MECOM: variants seen among roughly 807,000 people sequenced by gnomAD.
The protein encoded by MECOM is histone-lysine N-methyltransferase MECOM.
In MECOM, 13 loss-of-function variants were observed where a neutral mutation model predicts 116.3. The observed-to-expected ratio is 0.11, with a 90% confidence interval of 0.07 to 0.18. The LOEUF (loss-of-function observed/expected upper bound fraction) is 0.18, where lower values mean the gene tolerates loss of function less well. MECOM is among the 10% of genes least tolerant of loss of function. The pLI is 1.00. For missense variants in MECOM, 1,299 were observed against 1,509.0 expected (o/e 0.86, Z 2.31); for synonymous variants, 528 against 535.2 (o/e 0.99, Z 0.19).
intron 1 of MECOM, among the ~76,000 whole-genome samples, chr3:169,530,879 T>C (rs1758542326): frequency 1.3e-5 from 2 of 150,514 alleles, no homozygotes; most frequent in South Asian, 4.2e-4. Context: ...TACCATTTAT[T>C]GAAAATTCAG....
intron 1 of MECOM, among the ~76,000 whole-genome samples, chr3:169,661,844 G>A (rs528854613): frequency 4.2e-4 from 64 of 152,296 alleles, no homozygotes; most frequent in African/African-American, 1.5e-3. Context: ...ACCCATCTCC[G>A]ATCTCTCATT....
chr3:169,238,237 C>T (rs371304096), intron 2 of MECOM, among the ~76,000 whole-genome samples: 59 of 150,446 alleles, frequency 3.9e-4, no homozygotes, highest in Middle Eastern at 3.4e-3. Flanking sequence ...TCAAAGACAT[C>T]CTCAAAAACT....
At chr3:169,516,807 T>C (rs1290184297) in intron 1 of MECOM, among the ~76,000 whole-genome samples, 3 of 152,218 alleles carry the variant, frequency 2.0e-5, no homozygotes, top group Non-Finnish European at 4.4e-5. Context: ...CTTAGGTCCA[T>C]TTTTTAAGGG....
At chr3:169,309,009 G>C (rs1014535476) in intron 2 of MECOM, among the ~76,000 whole-genome samples, 1 of 152,188 alleles carries the variant, frequency 6.6e-6, no homozygotes, top group Non-Finnish European at 1.5e-5. Flanking sequence ...ACAGGGTACA[G>C]GTGACTATCC....
At chr3:169,336,391 G>GA (rs919843184) in intron 2 of MECOM, among the ~76,000 whole-genome samples, 7 of 150,140 alleles carry the variant, frequency 4.7e-5, no homozygotes, top group East Asian at 1.9e-4. Flanking sequence ...TGGCCTACAG[G>GA]AAAAAAAATT....
chr3:169,119,394 T>C (rs564744832), intron 7 of MECOM, among the ~76,000 whole-genome samples: 3 of 152,350 alleles, frequency 2.0e-5, no homozygotes, highest in African/African-American at 7.2e-5. Flanking sequence ...TATTTAAATT[T>C]ACCAATAATT....
intron 4 of MECOM, among the ~76,000 whole-genome samples, chr3:169,128,633 CA>C (rs1215547030): frequency 6.6e-5 from 10 of 152,082 alleles, no homozygotes; most frequent in Non-Finnish European, 1.0e-4. Context: ...TTAATGTCAG[CA>C]AACTTGGAAA....
rs1576797485 is a variant in MECOM at position 169,083,779 on chromosome 3, C to G, written c.*1130G>C. The G allele has an allele frequency of 4.7e-6, 1 of 210,870 alleles. No individual in the cohort carries two copies. Among genetic ancestry groups the G allele is most frequent in the Non-Finnish European group, 9.6e-6 (1 of 103,930 alleles). 13.1% of individuals were successfully genotyped at this position (210,870 alleles called of 1,614,324 possible). A position where few individuals can be genotyped will look rare whatever the true frequency, so the allele number is the denominator to read the frequency against. On this transcript the variant is annotated 3_prime_UTR_variant, in exon 17 of 17. Transcript: ENST00000651503. ...TAACATGAACATAACATCGCACAAG[C>G]TTGCAGACAACCAGCATAAAATATG...
intron 2 of MECOM, among the ~76,000 whole-genome samples, chr3:169,177,934 G>GA (rs1280329132): frequency 8.0e-5 from 12 of 150,754 alleles, no homozygotes; most frequent in Admixed American, 3.3e-4. Flanking sequence ...AAAAAAAGGA[G>GA]AAAAAAACAA....
intron 2 of MECOM, among the ~76,000 whole-genome samples, chr3:169,197,685 C>T (rs2149441075): frequency 6.6e-6 from 1 of 152,054 alleles, no homozygotes; most frequent in South Asian, 2.1e-4. Context: ...GAAATGGACT[C>T]AAAATGATAA....
At position 169,191,748 on chromosome 3, in the gene MECOM, AAGAAAGAAAG is replaced by A. The variant is rs1747682300; in HGVS notation, c.376-47926_376-47917del. Among the ~76,000 whole-genome samples the A allele has an allele frequency of 3.1e-5, 4 of 127,754 alleles. 1 individual carries two copies. Among genetic ancestry groups the A allele is most frequent in the African/African-American group, 1.1e-4 (4 of 35,146 alleles). 83.8% of individuals were successfully genotyped at this position (127,754 alleles called of 152,430 possible). On this transcript the variant is annotated intron_variant, in intron 2 of 16. Coordinates refer to ENST00000651503, the MANE Select transcript of MECOM (RefSeq NM_004991.4). ...AGAAAGAAAGAAAGAAAGAGAAAGA[AAGAAAGAAAG>A]AAAGAAAGAAAGAAAGAAAGAAAGA... is the stretch of plus-strand genomic sequence containing the variant.
chr3:169,464,164 G>A (rs1442974064), intron 1 of MECOM: 2 of 152,276 alleles, frequency 1.3e-5, no homozygotes, highest in South Asian at 2.1e-4. Context: ...CAACATTTGT[G>A]TGAGGATTCT....
At chr3:169,631,405 T>C (rs1430332427) in intron 1 of MECOM, among the ~76,000 whole-genome samples, 4 of 152,194 alleles carry the variant, frequency 2.6e-5, no homozygotes, top group Non-Finnish European at 5.9e-5. Flanking sequence ...AATTCTGTTA[T>C]CTGATGAAGC....
chr3:169,521,769 C>A (rs1578334190), intron 1 of MECOM, among the ~76,000 whole-genome samples: 1 of 152,208 alleles, frequency 6.6e-6, no homozygotes, highest in African/African-American at 2.4e-5. Flanking sequence ...CCAGGTAGCA[C>A]CTTAATGCAG....
chr3:169,652,621 G>A (rs1362569372), intron 1 of MECOM, among the ~76,000 whole-genome samples: 1 of 152,152 alleles, frequency 6.6e-6, no homozygotes, highest in Non-Finnish European at 1.5e-5. Context: ...GTGGGGAGGG[G>A]CAGAGAAGAA....
At chr3:169,253,490 T>C (rs1386131407) in intron 2 of MECOM, among the ~76,000 whole-genome samples, 2 of 152,002 alleles carry the variant, frequency 1.3e-5, no homozygotes, top group African/African-American at 4.8e-5. Flanking sequence ...CTTAGAGTTA[T>C]ATATTTATCA....
chr3:169,607,419 T>G (rs1268934681), intron 1 of MECOM, among the ~76,000 whole-genome samples: 1 of 152,220 alleles, frequency 6.6e-6, no homozygotes, highest in Admixed American at 6.5e-5. Context: ...AAACTCCTTT[T>G]TAGAAAATAA....
chr3:169,561,446 T>A (rs1016071782), intron 1 of MECOM, among the ~76,000 whole-genome samples: 1 of 152,088 alleles, frequency 6.6e-6, no homozygotes, highest in Non-Finnish European at 1.5e-5. Context: ...CACAGATAAA[T>A]CACAAAAGCA....
At chr3:169,136,334 G>A (rs1577110991) in intron 3 of MECOM, among the ~76,000 whole-genome samples, 1 of 151,170 alleles carries the variant, frequency 6.6e-6, no homozygotes, top group African/African-American at 2.4e-5. Flanking sequence ...GTAATCTCAT[G>A]TATATAATTC....
Sources: allele counts gnomAD v4.1 joint callset (sites outside exome capture counted in the v4.1 genomes callset), GRCh38; gene constraint gnomAD v4.1.1; transcripts MANE v1.5; gene names NCBI Gene and HGNC (gene_info 2026-07-23, HGNC 2026-07-21).